Variants in PRKDC observed in about 807,000 individuals in gnomAD.
PRKDC encodes the protein protein kinase, DNA-activated, catalytic subunit, also known as DNA-dependent protein kinase catalytic subunit.
In PRKDC, 82 loss-of-function variants were observed where a neutral mutation model predicts 486.9. The observed-to-expected ratio is 0.17, with a 90% CI of 0.14 to 0.20. The LOEUF is 0.20. Ranked by LOEUF, PRKDC falls within the 10% of genes least tolerant of loss-of-function variation. The pLI is 1.00. For missense variants in PRKDC, 4,504 were observed against 5,038.2 expected (o/e 0.89, Z 3.21); for synonymous variants, 1,895 against 1,837.0 (o/e 1.03, Z -0.81).
chr8:47,955,852 G>A (rs749412553), intron 4 of PRKDC, 22 bp downstream of exon 4: 49 of 1,520,190 alleles, frequency 3.2e-5, no homozygotes, highest in Non-Finnish European at 4.0e-5. Context: ...TGTAAAATAC[G>A]TGTACTTAGA....
At chr8:47,935,105 A>C in intron 13 of PRKDC, 47 bp from the exon 14 acceptor site, 1 of 1,292,924 alleles carries the variant, frequency 7.7e-7, no homozygotes, top group Non-Finnish European at 1.1e-6. Context: ...ACTGAAAAAC[A>C]GAATCAAAAC....
At position 47,854,176 on chromosome 8, in the gene PRKDC, G is replaced by C; in HGVS notation, c.6800C>G (p.Ser2267Cys). 6.2e-7 allele frequency: 1 copy of C among 1,613,604 alleles called. No individual in the cohort carries two copies. Among genetic ancestry groups the C allele is most frequent in the African/African-American group, 1.3e-5 (1 of 75,042 alleles). ...FEKFSGKDPNSKDNSVGIQLL... is the reference protein window; with the variant it reads ...FEKFSGKDPNCKDNSVGIQLL... ...TTGAATCCCTACTGAGTTGTCTTTA[G>C]AATTAGGATCTTTACCGGAAAACTT... Residue 2267 changes from serine (S) to cysteine (C), a missense_variant, in exon 51 of 86, where the codon TCT becomes TGT. By Grantham distance (112) the Ser-to-Cys change is moderately radical (BLOSUM62 -1). Transcript: ENST00000314191.
chr8:47,893,153 G>A lies in PRKDC; in HGVS notation c.3833C>T (p.Ala1278Val), dbSNP rs368851152. 22 of 1,602,690 alleles carry A rather than the reference G, an allele frequency of 1.4e-5. No homozygotes were observed. Among genetic ancestry groups the A allele is most frequent in the African/African-American group, 1.3e-4 (10 of 74,664 alleles). The change falls in exon 31 of 86, where the codon GCG (alanine) becomes GTG (valine). Residue 1278 changes from alanine (A) to valine (V), a missense_variant. Ala to Val is a moderately conservative substitution (Grantham distance 64). Transcript: ENST00000314191. ...NTFIGERTVGALQVLGTEAQS... is the reference protein window; with the variant it reads ...NTFIGERTVGVLQVLGTEAQS... ...GGGTGACCTACCTAGGACCTGGAGCGCTCCTACAGTTCTCTCGCCAATGAA... is the reference window on the plus strand; with the variant it reads ...GGGTGACCTACCTAGGACCTGGAGCACTCCTACAGTTCTCTCGCCAATGAA...
At chr8:47,907,106 T>A (rs1048644165) in intron 25 of PRKDC, among the ~76,000 whole-genome samples, 3 of 151,064 alleles carry the variant, frequency 2.0e-5, no homozygotes, top group African/African-American at 7.3e-5. Context: ...TGGCGCGCAG[T>A]CTCTGCTCAC....
chr8:47,932,115 G>A lies in PRKDC; in HGVS notation c.1776+905C>T, dbSNP rs193170940. ...TTTGTTTGTTTTGAGACAGAGTCTC[G>A]CTCTGTCGCCCAGGCTGGAGTGCAG... On this transcript the variant is annotated intron_variant, in intron 16 of 85. Coordinates refer to ENST00000314191, the MANE Select transcript of PRKDC (RefSeq NM_006904.7). 5.9e-3 allele frequency among the ~76,000 whole-genome samples: 876 copies of A among 147,718 alleles called. 5 individuals carry two copies. Among genetic ancestry groups the A allele is most frequent in the Middle Eastern group, 0.024 (7 of 288 alleles).
intron 49 of PRKDC, 121 bp from the exon 50 acceptor site, chr8:47,855,494 G>A: frequency 9.4e-7 from 1 of 1,063,116 alleles, no homozygotes; most frequent in South Asian, 1.8e-5. Context: ...CCTGTTGAAA[G>A]CCCTGTGATT....
intron 77 of PRKDC, 25 bp from the exon 78 acceptor site, chr8:47,783,834 AG>A (rs748471639): frequency 7.4e-6 from 12 of 1,611,940 alleles, no homozygotes; most frequent in Admixed American, 3.3e-5. Flanking sequence ...AACCTTGCTT[AG>A]GAACAGCTTG....
Position 47,840,025 on chromosome 8 carries a change from T to C in PRKDC, c.7445A>G (p.Asp2482Gly), listed in dbSNP as rs1175511342. The C allele has an allele frequency of 1.3e-6, 2 of 1,537,970 alleles. No homozygotes were observed. The highest frequency in any genetic ancestry group is 1.4e-5 in the African/African-American group (1 of 72,632). ...QMYNILMWIH[D>G]NYRDPESETD... ...TCAATGTATAGCTTACCTGTAATTA[T>C]CATGAATCCACATGAGAATATTATA... The change falls in exon 55 of 86, where the codon GAT becomes GGT. Residue 2482 changes from aspartate to glycine, a missense_variant. Coordinates refer to ENST00000314191, the MANE Select transcript of PRKDC (RefSeq NM_006904.7).
chr8:47,844,547 C>G (rs1448056409), intron 54 of PRKDC, among the ~76,000 whole-genome samples: 1 of 152,148 alleles, frequency 6.6e-6, no homozygotes, highest in Non-Finnish European at 1.5e-5. Flanking sequence ...GGACCCAATA[C>G]ATCTACAGCA....
intron 1 of PRKDC, among the ~76,000 whole-genome samples, chr8:47,957,671 C>T (rs978917782): frequency 6.6e-6 from 1 of 152,052 alleles, no homozygotes; most frequent in Non-Finnish European, 1.5e-5. Context: ...CCACCATGCC[C>T]GGCTAATTTT....
intron 28 of PRKDC, 89 bp downstream of exon 28, chr8:47,900,284 C>A: frequency 1.1e-6 from 1 of 883,114 alleles, no homozygotes; most frequent in Non-Finnish European, 1.6e-6. Flanking sequence ...AAAAAAAAAA[C>A]CTTATAAGAG....
chr8:47,853,218 G>T (rs1196728374), intron 51 of PRKDC, among the ~76,000 whole-genome samples: 1 of 152,216 alleles, frequency 6.6e-6, no homozygotes, highest in Non-Finnish European at 1.5e-5. Flanking sequence ...TTCACTGTCA[G>T]CACTCAGGGG....
intron 36 of PRKDC, 23 bp from the exon 37 acceptor site, chr8:47,882,120 G>C: frequency 3.8e-6 from 6 of 1,575,188 alleles, no homozygotes; most frequent in Non-Finnish European, 5.2e-6. Context: ...CGTTGTGAGT[G>C]AAGAAAAATT....
At chr8:47,942,337 C>A (rs2090458343) in intron 10 of PRKDC, among the ~76,000 whole-genome samples, 1 of 152,150 alleles carries the variant, frequency 6.6e-6, no homozygotes, top group Non-Finnish European at 1.5e-5. Flanking sequence ...ACGGGAAGGC[C>A]AAGTACAGCA....
At chr8:47,932,592 T>C (rs185741812) in intron 16 of PRKDC, among the ~76,000 whole-genome samples, 31 of 152,302 alleles carry the variant, frequency 2.0e-4, no homozygotes, top group Admixed American at 3.3e-4. Flanking sequence ...CTTATTTCTC[T>C]TCCTATTATC....
intron 23 of PRKDC, 43 bp from the exon 24 acceptor site, chr8:47,914,107 T>A: frequency 7.3e-7 from 1 of 1,377,002 alleles, no homozygotes; most frequent in Non-Finnish European, 9.5e-7. Flanking sequence ...TTTTTTTCTT[T>A]TTATTAGTGT....
At chr8:47,874,423 C>G (rs2089041807) in intron 40 of PRKDC, among the ~76,000 whole-genome samples, 1 of 152,054 alleles carries the variant, frequency 6.6e-6, no homozygotes, top group Non-Finnish European at 1.5e-5. Flanking sequence ...TCATGTACCC[C>G]ATAAATATAT....
intron 7 of PRKDC, among the ~76,000 whole-genome samples, chr8:47,949,443 C>T (rs1016019192): frequency 3.3e-5 from 5 of 152,170 alleles, no homozygotes; most frequent in Admixed American, 2.6e-4. Context: ...ACTTGCCTTG[C>T]AACACGTCTA....
At chr8:47,865,294 G>A (rs1445464291) in intron 40 of PRKDC, among the ~76,000 whole-genome samples, 2 of 151,850 alleles carry the variant, frequency 1.3e-5, no homozygotes, top group East Asian at 1.9e-4. Flanking sequence ...GCTGAGGCAG[G>A]AGAAACACTT....
Sources: gnomAD v4.1 joint callset for allele counts (sites outside exome capture counted in the v4.1 genomes callset) on GRCh38, gnomAD v4.1.1 for gene constraint, MANE v1.5 for transcripts, NCBI Gene and HGNC (gene_info 2026-07-23, HGNC 2026-07-21) for gene names.